TMTC1: variants seen among roughly 807,000 people sequenced by gnomAD.
TMTC1 encodes transmembrane O-mannosyltransferase targeting cadherins 1.
A neutral mutation model predicts 104.8 loss-of-function variants in TMTC1; 73 were observed. The ratio of observed to expected loss-of-function variants is 0.70; its 90% CI spans 0.58 to 0.85. The LOEUF is 0.85. Ranked by LOEUF, TMTC1 falls within the 40% of genes least tolerant of loss-of-function variation. TMTC1 has a pLI of 0.00. For missense variants in TMTC1, 1,035 were observed against 1,096.1 expected, an observed-to-expected ratio of 0.94 and a Z score of 0.79; for synonymous variants, 434 against 428.7, an observed-to-expected ratio of 1.01 and a Z score of -0.15.
rs758568566 is a variant in TMTC1, at chr12:29,604,304, AAC to A, written c.1129-7_1129-6del. The A allele has an allele frequency of 8.1e-6, 13 of 1,613,782 alleles. No homozygotes were observed. In the South Asian group the frequency reaches 9.9e-5, roughly 12 times the overall value. Reference sequence around the variant, plus strand: ...AACCTCCTTGTGCTCCAGTCTCTGAAACACACAATAGTGAAGGAAACATTAAC... The same window carrying A: ...AACCTCCTTGTGCTCCAGTCTCTGAAACACAATAGTGAAGGAAACATTAAC... On this transcript the variant is annotated splice_region_variant and splice_polypyrimidine_tract_variant and intron_variant, in intron 6 of 17. Transcript: ENST00000539277.
chr12:29,627,821 T>G (rs1938083171), intron 6 of TMTC1, among the ~76,000 whole-genome samples: 1 of 152,178 alleles, frequency 6.6e-6, no homozygotes, highest in Non-Finnish European at 1.5e-5. Context: ...TACTTGAATA[T>G]AAGTTCATAA....
At chr12:29,746,937 A>C (rs1942969238) in intron 5 of TMTC1, among the ~76,000 whole-genome samples, 1 of 152,314 alleles carries the variant, frequency 6.6e-6, no homozygotes, top group South Asian at 2.1e-4. Flanking sequence ...TTCCAGCACC[A>C]AAAATAGTGC....
At chr12:29,668,954 C>T (rs149636311) in intron 5 of TMTC1, among the ~76,000 whole-genome samples, 80 of 152,206 alleles carry the variant, frequency 5.3e-4, no homozygotes, top group African/African-American at 1.9e-3. Flanking sequence ...AAGTGCCATC[C>T]ATGTACCGTG....
intron 10 of TMTC1, among the ~76,000 whole-genome samples, chr12:29,554,442 T>C (rs930540631): frequency 1.3e-5 from 2 of 152,212 alleles, no homozygotes; most frequent in South Asian, 2.1e-4. Flanking sequence ...ATGTTCTTAC[T>C]TTTAGCAAGA....
chr12:29,784,669 C>G (rs1019225347), upstream of TMTC1: 2 of 152,218 alleles, frequency 1.3e-5, no homozygotes, highest in African/African-American at 4.8e-5. Flanking sequence ...TGGTTTGGGC[C>G]TGGGAGCCGA....
chr12:29,668,454 C>CTTTTTTT (rs66652706), intron 5 of TMTC1, among the ~76,000 whole-genome samples: 2,289 of 89,822 alleles, frequency 0.025, 269 homozygotes, highest in East Asian at 0.17. Flanking sequence ...ACCAACTTAT[C>CTTTTTTT]TTTTTTTTTT....
At chr12:29,739,974 G>A (rs1403807447) in intron 5 of TMTC1, among the ~76,000 whole-genome samples, 2 of 151,884 alleles carry the variant, frequency 1.3e-5, no homozygotes, top group Non-Finnish European at 2.9e-5. Flanking sequence ...CCGAAGTGCT[G>A]GGATTACAGG....
intron 5 of TMTC1, among the ~76,000 whole-genome samples, chr12:29,693,724 A>G (rs541227177): frequency 1.6e-4 from 24 of 152,334 alleles, no homozygotes; most frequent in Admixed American, 4.6e-4. Flanking sequence ...TTTATATACT[A>G]GTGATAAATA....
intron 11 of TMTC1, among the ~76,000 whole-genome samples, chr12:29,522,866 T>C (rs1021590906): frequency 2.0e-5 from 3 of 152,170 alleles, no homozygotes; most frequent in African/African-American, 4.8e-5. Context: ...TAGGGTTGTT[T>C]TGAGGATTAA....
chr12:29,604,420 A>C, intron 6 of TMTC1, 121 bp from the exon 7 acceptor site: 1 of 1,360,494 alleles, frequency 7.4e-7, no homozygotes, highest in Non-Finnish European at 1.0e-6. Context: ...GACCAATATA[A>C]ACCTTTTGAC....
At chr12:29,617,109 C>T (rs1947003300) in intron 6 of TMTC1, among the ~76,000 whole-genome samples, 1 of 151,838 alleles carries the variant, frequency 6.6e-6, no homozygotes, top group Admixed American at 6.6e-5. Flanking sequence ...CTGCTTGTTT[C>T]AAAAAACTTT....
intron 7 of TMTC1, among the ~76,000 whole-genome samples, chr12:29,597,968 T>G (rs1294723706): frequency 6.6e-6 from 1 of 152,194 alleles, no homozygotes; most frequent in Non-Finnish European, 1.5e-5. Flanking sequence ...CACATTGTCT[T>G]TCTTTCTCCT....
At chr12:29,540,022 T>C (rs1279411038) in intron 10 of TMTC1, among the ~76,000 whole-genome samples, 1 of 152,198 alleles carries the variant, frequency 6.6e-6, no homozygotes, top group Non-Finnish European at 1.5e-5. Flanking sequence ...GAAGAACATA[T>C]GTATACATAT....
At chr12:29,648,635 C>A (rs1433376577) in intron 5 of TMTC1, among the ~76,000 whole-genome samples, 1 of 152,044 alleles carries the variant, frequency 6.6e-6, no homozygotes, top group African/African-American at 2.4e-5. Flanking sequence ...CTCCTTCTGG[C>A]GTGGGGTCAA....
At chr12:29,604,097 A>C (rs888870649) in intron 7 of TMTC1, 81 bp downstream of exon 7, 2 of 1,580,314 alleles carry the variant, frequency 1.3e-6, no homozygotes, top group Admixed American at 3.4e-5. Context: ...TGGTCTACAC[A>C]CAGAAGACTG....
intron 5 of TMTC1, among the ~76,000 whole-genome samples, chr12:29,675,473 C>T (rs767630487): frequency 6.6e-6 from 1 of 152,072 alleles, no homozygotes; most frequent in South Asian, 2.1e-4. Flanking sequence ...ACCTGGTCAC[C>T]CTGTGTGCCA....
chr12:29,578,555 T>A (rs1055664664), intron 8 of TMTC1, among the ~76,000 whole-genome samples: 2 of 152,170 alleles, frequency 1.3e-5, no homozygotes, highest in African/African-American at 2.4e-5. Context: ...CTGTTAATAA[T>A]TACAACAGTG....
At chr12:29,764,069 C>G (rs1209928522) in intron 2 of TMTC1, among the ~76,000 whole-genome samples, 5 of 152,166 alleles carry the variant, frequency 3.3e-5, no homozygotes, top group Non-Finnish European at 7.4e-5. Flanking sequence ...AAATGGCCAG[C>G]ATGTATTTTA....
intron 5 of TMTC1, among the ~76,000 whole-genome samples, chr12:29,705,926 T>C (rs2136817966): frequency 6.6e-6 from 1 of 152,242 alleles, no homozygotes; most frequent in African/African-American, 2.4e-5. Flanking sequence ...CCCAAGAATG[T>C]CTGCTTCGGG....
Sources: allele counts gnomAD v4.1 joint callset (sites outside exome capture counted in the v4.1 genomes callset), GRCh38; gene constraint gnomAD v4.1.1; transcripts MANE v1.5; gene names NCBI Gene and HGNC (gene_info 2026-07-23, HGNC 2026-07-21).